The following AKAP7 variants were observed in gnomAD, a reference collection of about 807,000 sequenced individuals.
AKAP7 encodes A kinase (PRKA) anchor protein 7.
AKAP7 carries 39 observed loss-of-function variants against 39.5 expected under a neutral mutation model. The observed-to-expected ratio is 0.99, with a 90% CI of 0.76 to 1.29. AKAP7 has a LOEUF of 1.29. Among genes scored for constraint, AKAP7 ranks in the 50% most tolerant of loss-of-function variants. The probability of loss-of-function intolerance (pLI) is 0.00; values close to 1 mark genes in which losing one functional copy is unlikely to be tolerated. For missense variants in AKAP7, 414 were observed against 407.7 expected, an observed-to-expected ratio of 1.02 and a Z score of -0.13; for synonymous variants, 140 against 139.1, an observed-to-expected ratio of 1.01 and a Z score of -0.05.
intron 7 of AKAP7, among the ~76,000 whole-genome samples, chr6:131,227,362 A>C (rs1025584985): frequency 1.3e-5 from 2 of 152,112 alleles, no homozygotes; most frequent in Non-Finnish European, 2.9e-5. Context: ...GCAGAGTGGG[A>C]GGTTGCTAGG....
In AKAP7 at chr6:131,270,781, A is replaced by G. The variant is rs1277546497; in HGVS notation, c.851-10749A>G. Among the ~76,000 whole-genome samples, 6 of 152,304 alleles carry G rather than the reference A, an allele frequency of 3.9e-5. No homozygotes were observed. The East Asian group carries it at 1.2e-3, about 29-fold the overall frequency. Reference sequence around the variant, plus strand: ...ACAGTCATTCTGTTGGGTGAGTAGTAGTATCTCATTGTGACTTTAATTTGT... The same window carrying G: ...ACAGTCATTCTGTTGGGTGAGTAGTGGTATCTCATTGTGACTTTAATTTGT... On this transcript the variant is annotated intron_variant, in intron 7 of 7. Coordinates refer to ENST00000431975, the MANE Select transcript of AKAP7 (RefSeq NM_016377.4).
At chr6:131,173,400 T>G (rs1804271123) in intron 5 of AKAP7, among the ~76,000 whole-genome samples, 2 of 152,154 alleles carry the variant, frequency 1.3e-5, no homozygotes, top group Non-Finnish European at 2.9e-5. Context: ...GCTATTCTTT[T>G]TGTGCACTTA....
chr6:131,244,219 A>G (rs1337629215), intron 7 of AKAP7, among the ~76,000 whole-genome samples: 2 of 152,126 alleles, frequency 1.3e-5, no homozygotes, highest in African/African-American at 2.4e-5. Flanking sequence ...ACTTGGCACA[A>G]TGGGAATGCT....
chr6:131,250,172 G>T (rs909197836), intron 7 of AKAP7: 63 of 992,960 alleles, frequency 6.3e-5, no homozygotes, highest in Non-Finnish European at 7.1e-5. Context: ...TACTGCAGTT[G>T]TCTGTAGGAG....
chr6:131,231,361 GTTTT>G (rs148985368), intron 7 of AKAP7, among the ~76,000 whole-genome samples: 3 of 150,442 alleles, frequency 2.0e-5, no homozygotes, highest in African/African-American at 7.3e-5. Context: ...AAACATTTGC[GTTTT>G]TTTTTCTTTC....
intron 4 of AKAP7, among the ~76,000 whole-genome samples, chr6:131,167,404 T>G (rs1035646699): frequency 6.6e-6 from 1 of 152,198 alleles, no homozygotes; most frequent in African/African-American, 2.4e-5. Context: ...CTGAAAAGTC[T>G]TAACCTTTCT....
At chr6:131,227,532 A>C (rs185956988) in intron 7 of AKAP7, among the ~76,000 whole-genome samples, 7 of 152,384 alleles carry the variant, frequency 4.6e-5, no homozygotes, top group Non-Finnish European at 8.8e-5. Flanking sequence ...TTAATACTCA[A>C]CAACACAGGA....
chr6:131,216,069 C>T (rs1171326075), intron 6 of AKAP7, among the ~76,000 whole-genome samples: 1 of 152,172 alleles, frequency 6.6e-6, no homozygotes, highest in Admixed American at 6.5e-5. Context: ...ATTGTGATTG[C>T]TATAACAAGT....
chr6:131,133,650 G>A (rs1388375073), upstream of AKAP7, among the ~76,000 whole-genome samples: 1 of 152,140 alleles, frequency 6.6e-6, no homozygotes, highest in East Asian at 1.9e-4. Flanking sequence ...CACCACAGGG[G>A]AAGAAAAATC....
At chr6:131,162,850 C>G (rs1350283189) in intron 3 of AKAP7, among the ~76,000 whole-genome samples, 1 of 152,222 alleles carries the variant, frequency 6.6e-6, no homozygotes, top group African/African-American at 2.4e-5. Context: ...TTGCCCCATT[C>G]CTGTCAGCTA....
intron 6 of AKAP7, among the ~76,000 whole-genome samples, chr6:131,209,242 A>T (rs2128289776): frequency 6.6e-6 from 1 of 152,096 alleles, no homozygotes; most frequent in Non-Finnish European, 1.5e-5. Flanking sequence ...TCTACAGATA[A>T]GCATCTGATT....
chr6:131,161,609 C>T (rs1584979731), intron 3 of AKAP7, among the ~76,000 whole-genome samples: 2 of 120,280 alleles, frequency 1.7e-5, no homozygotes, highest in African/African-American at 6.5e-5. Flanking sequence ...TGTGCCACTG[C>T]ACTCCAGCCT....
intron 3 of AKAP7, among the ~76,000 whole-genome samples, chr6:131,162,353 C>G (rs1444830031): frequency 6.6e-6 from 1 of 152,130 alleles, no homozygotes; most frequent in Admixed American, 6.5e-5. Flanking sequence ...GCCTCTCTAC[C>G]CCTGTAAAGT....
At chr6:131,212,765 G>A (rs1808794867) in intron 6 of AKAP7, among the ~76,000 whole-genome samples, 1 of 152,128 alleles carries the variant, frequency 6.6e-6, no homozygotes, top group South Asian at 2.1e-4. Flanking sequence ...GTTAGAATGA[G>A]GGGGAGAAAA....
intron 7 of AKAP7, among the ~76,000 whole-genome samples, chr6:131,274,874 C>T (rs1487412740): frequency 1.3e-5 from 2 of 152,160 alleles, no homozygotes; most frequent in African/African-American, 4.8e-5. Context: ...GCCTCTCCAT[C>T]ATCCCTGTCG....
chr6:131,151,614 C>T (rs1801928230), intron 2 of AKAP7, among the ~76,000 whole-genome samples: 1 of 151,820 alleles, frequency 6.6e-6, no homozygotes, highest in African/African-American at 2.4e-5. Context: ...AGTGTGGTGG[C>T]ATGTGCCTGT....
In AKAP7 at chr6:131,282,408, CTAT is replaced by C. The variant is rs10586890; in HGVS notation, c.*684_*686del. ...AATTTTTTTTTCTTAGGCAAGAAAC[CTAT>C]TGGAATTCGAGACTTAATTAATGAA... On this transcript the variant is annotated 3_prime_UTR_variant, in exon 8 of 8. Coordinates refer to ENST00000431975, the MANE Select transcript of AKAP7 (RefSeq NM_016377.4). The C allele has an allele frequency of 8.2e-3, 12,199 of 1,492,528 alleles. 484 individuals are homozygous for C. In the African/African-American group the frequency reaches 0.11, roughly 13 times the overall value. The allele number at this position is 1,492,528 out of a possible 1,614,324, so 92.5% of individuals were successfully genotyped here. A position where few individuals can be genotyped will look rare whatever the true frequency, so the allele number is the denominator to read the frequency against.
intron 7 of AKAP7, among the ~76,000 whole-genome samples, chr6:131,265,161 G>T (rs55893652): frequency 0.11 from 16,795 of 152,116 alleles, 1,193 homozygotes; most frequent in Non-Finnish European, 0.15. Context: ...TTGAGACAGA[G>T]TCTTGCTCTG....
chr6:131,269,533 A>G (rs1814097506), intron 7 of AKAP7, among the ~76,000 whole-genome samples: 1 of 152,202 alleles, frequency 6.6e-6, no homozygotes, highest in African/African-American at 2.4e-5. Flanking sequence ...AGTAGAGAAC[A>G]TATGATATGG....
Sources: allele counts gnomAD v4.1 joint callset (sites outside exome capture counted in the v4.1 genomes callset), GRCh38; gene constraint gnomAD v4.1.1; transcripts MANE v1.5; gene names NCBI Gene and HGNC (gene_info 2026-07-23, HGNC 2026-07-21).